Variants in RAB6A observed in about 807,000 individuals in gnomAD.
RAB6A encodes the protein ras-related protein Rab-6A.
A neutral mutation model predicts 32.3 loss-of-function variants in RAB6A; 8 were observed. That is an observed-to-expected ratio of 0.25 (90% CI 0.15 to 0.45). The LOEUF is 0.45. RAB6A is among the 20% of genes least tolerant of loss of function. The pLI, the probability that RAB6A is intolerant of heterozygous loss-of-function variation, is 1.00. For missense variants in RAB6A, 104 were observed against 249.4 expected (o/e 0.42, Z 3.93); for synonymous variants, 73 against 82.1 (o/e 0.89, Z 0.60).
At chr11:73,751,415 G>T (rs962703208) in intron 1 of RAB6A, among the ~76,000 whole-genome samples, 1 of 152,132 alleles carries the variant, frequency 6.6e-6, no homozygotes, top group Non-Finnish European at 1.5e-5. Context: ...ACTCAATAAT[G>T]ATCAATTTTA....
intron 1 of RAB6A, among the ~76,000 whole-genome samples, chr11:73,731,081 T>C (rs1946293858): frequency 6.6e-6 from 1 of 152,164 alleles, no homozygotes; most frequent in South Asian, 2.1e-4. Flanking sequence ...ATACTGACAT[T>C]CCTAATTCAC....
At chr11:73,679,543 C>T in intron 7 of RAB6A, 111 bp downstream of exon 7, 2 of 1,338,408 alleles carry the variant, frequency 1.5e-6, no homozygotes, top group Non-Finnish European at 1.1e-6. Flanking sequence ...GCCTTTAAGT[C>T]ATCAGTTCCT....
intron 1 of RAB6A, among the ~76,000 whole-genome samples, chr11:73,754,605 C>T (rs753543029): frequency 3.3e-5 from 5 of 152,114 alleles, no homozygotes; most frequent in Non-Finnish European, 7.4e-5. Context: ...GAAAATAGTT[C>T]TTTTTCATTT....
intron 5 of RAB6A, among the ~76,000 whole-genome samples, chr11:73,710,970 T>C (rs1945949535): frequency 1.3e-5 from 2 of 152,146 alleles, no homozygotes; most frequent in South Asian, 4.1e-4. Flanking sequence ...TTAACGGCTA[T>C]ACAGGTCCCA....
chr11:73,743,227 C>T (rs576227123), intron 1 of RAB6A, among the ~76,000 whole-genome samples: 66 of 150,888 alleles, frequency 4.4e-4, no homozygotes, highest in Non-Finnish European at 6.3e-4. Flanking sequence ...ACTACTTGAA[C>T]CTGGGAGGCG....
intron 2 of RAB6A, among the ~76,000 whole-genome samples, chr11:73,726,674 G>A (rs1489268837): frequency 6.8e-6 from 1 of 147,234 alleles, no homozygotes; most frequent in Non-Finnish European, 1.5e-5. Flanking sequence ...GCTTGAGCCT[G>A]GGGGGATGGA....
In RAB6A at chr11:73,677,784, A is replaced by G; in HGVS notation, c.*114T>C. ...AGACAGGCAGCAATGATGAATTGCA[A>G]TACGTTATTACTGAAGGGAAAAGGT... On this transcript the variant is annotated 3_prime_UTR_variant, in exon 8 of 8. Coordinates refer to ENST00000336083, the MANE Select transcript of RAB6A (RefSeq NM_198896.2). 1 of 1,569,218 alleles carries G rather than the reference A, an allele frequency of 6.4e-7. No individual in the cohort carries two copies. Among genetic ancestry groups the G allele is most frequent in the Non-Finnish European group, 8.7e-7 (1 of 1,146,440 alleles).
At chr11:73,722,125 A>G (rs1471700505) in intron 2 of RAB6A, among the ~76,000 whole-genome samples, 1 of 148,290 alleles carries the variant, frequency 6.7e-6, no homozygotes, top group East Asian at 1.9e-4. Context: ...TCCTTTATAA[A>G]TTACCCAGTC....
At chr11:73,680,655 G>A (rs1436606237) in intron 6 of RAB6A, among the ~76,000 whole-genome samples, 3 of 152,078 alleles carry the variant, frequency 2.0e-5, no homozygotes, top group African/African-American at 7.2e-5. Context: ...TCTTCTTGGC[G>A]GGGGTGTGGG....
chr11:73,690,120 A>T (rs886572650), intron 6 of RAB6A, among the ~76,000 whole-genome samples: 1 of 152,202 alleles, frequency 6.6e-6, no homozygotes, highest in Admixed American at 6.5e-5. Flanking sequence ...ACAAGCCCAG[A>T]AAGAAACTCT....
In RAB6A at chr11:73,730,831, G is replaced by T; in HGVS notation, c.71-8C>A. 6.3e-7 allele frequency: 1 copy of T among 1,591,276 alleles called. No homozygotes were observed. Among genetic ancestry groups the T allele is most frequent in the Non-Finnish European group, 8.5e-7 (1 of 1,173,614 alleles). ...TCAAAGATGTCTTTCCAACTGAAAT[G>T]AAACGAAAAAAAGATTTGCTCAGTG... On this transcript the variant is annotated splice_polypyrimidine_tract_variant and splice_region_variant and intron_variant, in intron 1 of 7. Coordinates refer to ENST00000336083, the MANE Select transcript of RAB6A (RefSeq NM_198896.2).
chr11:73,752,546 G>A (rs961981496), intron 1 of RAB6A, among the ~76,000 whole-genome samples: 1 of 152,196 alleles, frequency 6.6e-6, no homozygotes, highest in East Asian at 1.9e-4. Context: ...AACTGGCACG[G>A]TGGCTCATGC....
chr11:73,716,226 A>G (rs1253738791), intron 5 of RAB6A, 25 bp downstream of exon 5: 4 of 1,511,594 alleles, frequency 2.6e-6, no homozygotes, highest in Non-Finnish European at 3.7e-6. Context: ...ATCAAACATT[A>G]CACACATATA....
chr11:73,738,952 AAAACT>A (rs527361465), intron 1 of RAB6A, among the ~76,000 whole-genome samples: 13 of 151,418 alleles, frequency 8.6e-5, no homozygotes, highest in South Asian at 2.1e-4. Context: ...CTCAAAAAAC[AAAACT>A]AAACTAAACT....
intron 1 of RAB6A, among the ~76,000 whole-genome samples, chr11:73,733,736 C>A (rs1296680634): frequency 6.6e-6 from 1 of 151,822 alleles, no homozygotes; most frequent in Non-Finnish European, 1.5e-5. Flanking sequence ...CTCTGTAATT[C>A]TATTTATATG....
In RAB6A at chr11:73,755,888, A is replaced by G. The variant is rs1283929085; in HGVS notation, c.70+4678T>C. Among the ~76,000 whole-genome samples the G allele has an allele frequency of 2.0e-5, 3 of 151,192 alleles. No homozygotes were observed. In the Admixed American group the frequency reaches 2.0e-4, roughly 10 times the overall value. ...GAAGAAGAACAAGAGGAGGAGGAGA[A>G]GGAAGAGGAGGAGGAAGAAGAGGAG... On this transcript the variant is annotated intron_variant, in intron 1 of 7. Coordinates refer to ENST00000336083, the MANE Select transcript of RAB6A (RefSeq NM_198896.2).
intron 1 of RAB6A, among the ~76,000 whole-genome samples, chr11:73,759,712 G>A (rs1204505371): frequency 6.6e-6 from 1 of 152,136 alleles, no homozygotes; most frequent in East Asian, 1.9e-4. Context: ...AGACTCAGAC[G>A]CTGCTTCATG....
chr11:73,737,703 C>T (rs1042398238), intron 1 of RAB6A, among the ~76,000 whole-genome samples: 5 of 151,824 alleles, frequency 3.3e-5, no homozygotes, highest in African/African-American at 1.2e-4. Flanking sequence ...CACTAAAGAC[C>T]ACATATTATT....
rs755472992 is a variant in RAB6A, at chr11:73,718,709, G to A, written c.193C>T (p.Gln65Ter). 1 of 1,613,990 alleles carries A rather than the reference G, an allele frequency of 6.2e-7. No individual in the cohort carries two copies. Among genetic ancestry groups the A allele is most frequent in the Non-Finnish European group, 8.5e-7 (1 of 1,179,958 alleles). ...TCTTGACCTGCTGTGTCCCATAATT[G>A]CAATCGTACCTAACAACAAAATCAG... ...MYLEDRTVRL[Q>*]LWDTAGQERF... Residue 65 changes from glutamine (Q) to a stop codon, truncating the protein, a stop_gained, in exon 4 of 8, where the codon CAA becomes TAA. Coordinates refer to ENST00000336083, the MANE Select transcript of RAB6A (RefSeq NM_198896.2). LOFTEE classifies it high-confidence loss of function.
Sources: gnomAD v4.1 joint callset for allele counts (sites outside exome capture counted in the v4.1 genomes callset) on GRCh38, gnomAD v4.1.1 for gene constraint, MANE v1.5 for transcripts, NCBI Gene and HGNC (gene_info 2026-07-23, HGNC 2026-07-21) for gene names.